The following RBM19 variants were observed in gnomAD, a reference collection of about 807,000 sequenced individuals.
RBM19 encodes the protein probable RNA-binding protein 19.
Under a neutral mutation model 116.8 loss-of-function variants are expected in RBM19, and 94 were observed. The observed-to-expected ratio is 0.80, with a 90% confidence interval of 0.68 to 0.95. The LOEUF (loss-of-function observed/expected upper bound fraction) is 0.95, where lower values mean the gene tolerates loss of function less well. Ranked by LOEUF, RBM19 falls within the 40% of genes least tolerant of loss-of-function variation. RBM19 has a pLI of 0.00. For synonymous variants in RBM19, 475 were observed against 494.1 expected (o/e 0.96, Z 0.51); for missense variants, 1,161 against 1,220.7 (o/e 0.95, Z 0.73).
intron 20 of RBM19, among the ~76,000 whole-genome samples, chr12:113,917,821 C>A (rs1882864403): frequency 6.6e-6 from 1 of 152,188 alleles, no homozygotes; most frequent in Admixed American, 6.5e-5. Context: ...TTTAGATATA[C>A]AAGCAGGTAG....
At chr12:113,907,477 A>G (rs1297665176) in intron 21 of RBM19, among the ~76,000 whole-genome samples, 1 of 152,200 alleles carries the variant, frequency 6.6e-6, no homozygotes, top group Non-Finnish European at 1.5e-5. Flanking sequence ...TGAAGGAATG[A>G]AAGCACGCAT....
intron 21 of RBM19, among the ~76,000 whole-genome samples, chr12:113,886,886 CAG>C (rs1449705666): frequency 6.6e-6 from 1 of 152,148 alleles, no homozygotes; most frequent in African/African-American, 2.4e-5. Context: ...TGTGCAAGCG[CAG>C]AGGACTTTAG....
chr12:113,939,546 G>A (rs963418064), intron 15 of RBM19, among the ~76,000 whole-genome samples: 8 of 139,346 alleles, frequency 5.7e-5, no homozygotes, highest in East Asian at 2.2e-4. Context: ...TCAGGAGATC[G>A]AGACCATCCT....
chr12:113,854,839 G>C (rs979601056), intron 22 of RBM19, among the ~76,000 whole-genome samples: 14 of 152,358 alleles, frequency 9.2e-5, no homozygotes, highest in Middle Eastern at 3.4e-3. Context: ...TGGGGAGGGA[G>C]ACTGGATGCA....
intron 21 of RBM19, among the ~76,000 whole-genome samples, chr12:113,861,570 A>AAGAG (rs893174284): frequency 7.3e-6 from 1 of 137,096 alleles, no homozygotes; most frequent in South Asian, 2.4e-4. Context: ...GAAGGAGAGA[A>AAGAG]AGAGAGAGAG....
rs1290572150 is a variant in RBM19, at chr12:113,839,555, C to G, written c.2785+5113G>C. On this transcript the variant is annotated intron_variant, in intron 23 of 23. Coordinates refer to ENST00000261741, the MANE Select transcript of RBM19 (RefSeq NM_016196.4). ...TGTGACCTTGGGCAAGGTGCTTCAT[C>G]TCTGCGTGCCTCAGTTCCCCTATCT... is the stretch of plus-strand genomic sequence containing the variant. Among the ~76,000 whole-genome samples, 6 of 152,344 alleles carry G rather than the reference C, an allele frequency of 3.9e-5. No individual in the cohort carries two copies. The East Asian group carries it at 9.6e-4, about 24-fold the overall frequency.
At chr12:113,884,298 T>TACACACACAC (rs56150788) in intron 21 of RBM19, among the ~76,000 whole-genome samples, 1,839 of 137,294 alleles carry the variant, frequency 0.013, 42 homozygotes, top group African/African-American at 0.048. Context: ...AAAAAAAGTA[T>TACACACACAC]ACACACACAC....
intron 17 of RBM19, among the ~76,000 whole-genome samples, chr12:113,926,492 G>A (rs960818680): frequency 2.6e-5 from 4 of 152,168 alleles, no homozygotes; most frequent in African/African-American, 9.7e-5. Flanking sequence ...GGAACTGGAG[G>A]CCCCGTTGTT....
chr12:113,936,967 C>A (rs1452112661), intron 16 of RBM19, 40 bp downstream of exon 16: 2 of 1,603,508 alleles, frequency 1.2e-6, no homozygotes, highest in Admixed American at 3.5e-5. Context: ...TTTCCCTCAC[C>A]AGGATCCCAA....
intron 14 of RBM19, among the ~76,000 whole-genome samples, chr12:113,940,988 T>A (rs112541109): frequency 2.6e-5 from 4 of 152,194 alleles, no homozygotes; most frequent in Non-Finnish European, 5.9e-5. Flanking sequence ...TTAGCAATAA[T>A]TTTATTAAAA....
At chr12:113,920,760 A>G in intron 18 of RBM19, 70 bp from the exon 19 acceptor site, 2 of 1,396,156 alleles carry the variant, frequency 1.4e-6, no homozygotes, top group Non-Finnish European at 1.0e-6. Flanking sequence ...AAGGGCTGTG[A>G]CGGGCCCCCA....
At chr12:113,835,414 C>A (rs1202504484) in intron 23 of RBM19, among the ~76,000 whole-genome samples, 2 of 152,270 alleles carry the variant, frequency 1.3e-5, no homozygotes, top group East Asian at 3.9e-4. Flanking sequence ...CACACGTGAG[C>A]ACCTGACGGC....
At chr12:113,894,935 C>A (rs1767443848) in intron 21 of RBM19, among the ~76,000 whole-genome samples, 1 of 152,214 alleles carries the variant, frequency 6.6e-6, no homozygotes, top group African/African-American at 2.4e-5. Context: ...GAGCAAAGCA[C>A]TTCCCCAAGC....
intron 21 of RBM19, among the ~76,000 whole-genome samples, chr12:113,877,072 C>G (rs934761656): frequency 6.6e-6 from 1 of 152,214 alleles, no homozygotes; most frequent in African/African-American, 2.4e-5. Flanking sequence ...TCCCATGCCC[C>G]CACTGGGCTG....
In RBM19 at chr12:113,948,947, T is replaced by A; in HGVS notation, c.1162A>T (p.Ile388Leu). The stretch of plus-strand genomic sequence containing the variant: ...TCCTCCTCTTCGTTCTCCCCGAGTA[T>A]CCGGCCTTGCCAGGATTTGGTGGTA... ...KNTTKSWQGR[I>L]LGENEEEEDL... Residue 388 changes from isoleucine (I) to leucine (L), a missense_variant, in exon 10 of 24, where the codon ATA becomes TTA. Coordinates refer to ENST00000261741, the MANE Select transcript of RBM19 (RefSeq NM_016196.4). The A allele has an allele frequency of 6.2e-7, 1 of 1,614,214 alleles. No homozygotes were observed. Among genetic ancestry groups the A allele is most frequent in the African/African-American group, 1.3e-5 (1 of 75,050 alleles).
At chr12:113,875,386 A>G (rs77832854) in intron 21 of RBM19, among the ~76,000 whole-genome samples, 1 of 152,228 alleles carries the variant, frequency 6.6e-6, no homozygotes, top group Admixed American at 6.5e-5. Context: ...CGATTCAATT[A>G]CAAAAGTTTA....
chr12:113,937,062 C>G lies in RBM19; in HGVS notation c.2013G>C (p.Lys671Asn), dbSNP rs367588530. Residue 671 changes from lysine to asparagine, a missense_variant, in exon 16 of 24, where the codon AAG becomes AAC. Physicochemically the swap from Lys to Asn is moderately conservative, Grantham distance 94. Transcript: ENST00000261741. ...VFSSTAPQKK[K>N]LQDTPSEPME... is the part of the protein sequence containing the mutation. ...TGGGTTCTGAAGGTGTGTCTTGGAG[C>G]TTTTTCTTCTGTGGGGCTGTGCTGG... 6.2e-7 allele frequency: 1 copy of G among 1,614,142 alleles called. No homozygotes were observed. Among genetic ancestry groups the G allele is most frequent in the East Asian group, 2.2e-5 (1 of 44,880 alleles).
chr12:113,961,587 T>A (rs966883344), intron 2 of RBM19, among the ~76,000 whole-genome samples: 6 of 152,166 alleles, frequency 3.9e-5, no homozygotes, highest in African/African-American at 1.4e-4. Context: ...ATATATATAT[T>A]TATCCATCAT....
At position 113,863,948 on chromosome 12, in the gene RBM19, G is replaced by C. The variant is rs1383186142; in HGVS notation, c.2559-5052C>G. ...CACTGGGTACTTCCTCAGCGCTTAC[G>C]TGCCCTGCAGCATGTTAGCACCTGC... On this transcript the variant is annotated intron_variant, in intron 21 of 23. Coordinates refer to ENST00000261741, the MANE Select transcript of RBM19 (RefSeq NM_016196.4). Among the ~76,000 whole-genome samples, 6 of 152,088 alleles carry C rather than the reference G, an allele frequency of 3.9e-5. No individual in the cohort carries two copies. The South Asian group carries it at 1.2e-3, about 32-fold the overall frequency.
Sources: gnomAD v4.1 joint callset for allele counts (sites outside exome capture counted in the v4.1 genomes callset) on GRCh38, gnomAD v4.1.1 for gene constraint, MANE v1.5 for transcripts, NCBI Gene and HGNC (gene_info 2026-07-23, HGNC 2026-07-21) for gene names.